BEND6: variants seen among roughly 807,000 people sequenced by gnomAD.
BEND6 encodes the protein BEN domain-containing protein 6.
Under a neutral mutation model 31.8 loss-of-function variants are expected in BEND6, and 24 were observed. The observed-to-expected ratio is 0.75, with a 90% CI of 0.55 to 1.06. The LOEUF is 1.06. BEND6 is among the 50% of genes least tolerant of loss of function. BEND6 has a pLI of 0.00. For synonymous variants in BEND6, 109 were observed against 114.6 expected, an observed-to-expected ratio of 0.95 and a Z score of 0.31; for missense variants, 294 against 327.4, an observed-to-expected ratio of 0.90 and a Z score of 0.79.
intron 3 of BEND6, among the ~76,000 whole-genome samples, chr6:57,000,259 T>C (rs1826879932): frequency 6.6e-6 from 1 of 152,208 alleles, no homozygotes; most frequent in Admixed American, 6.5e-5. Context: ...AATTCTGCCT[T>C]GGGATGCTGT....
intron 4 of BEND6, 127 bp from the exon 5 acceptor site, chr6:57,017,080 T>TATATATTAAAAG: frequency 3.2e-6 from 1 of 309,604 alleles, no homozygotes; most frequent in South Asian, 1.5e-4. Context: ...TATATTAAAA[T>TATATATTAAAAG]ATATATATAA....
intron 3 of BEND6, chr6:57,010,082 A>G (rs1436494977): frequency 6.6e-6 from 1 of 152,250 alleles, no homozygotes; most frequent in Admixed American, 6.5e-5. Context: ...ATCACAAAAA[A>G]GCTAACCAGG....
intron 6 of BEND6, among the ~76,000 whole-genome samples, chr6:57,021,920 T>A (rs535441648): frequency 6.6e-6 from 1 of 152,302 alleles, no homozygotes; most frequent in South Asian, 2.1e-4. Context: ...TATTTTTGAT[T>A]GTCAAAACTG....
intron 2 of BEND6, among the ~76,000 whole-genome samples, chr6:56,989,131 A>G (rs1026243048): frequency 5.3e-5 from 8 of 150,436 alleles, no homozygotes; most frequent in Non-Finnish European, 8.9e-5. Flanking sequence ...TAAATATATT[A>G]TATATTATGG....
At chr6:57,008,419 G>A (rs1388646006) in intron 3 of BEND6, 3 of 586,162 alleles carry the variant, frequency 5.1e-6, no homozygotes, top group Non-Finnish European at 9.1e-6. Context: ...CAATGTCAAG[G>A]CAGTGCTGTG....
chr6:57,006,035 A>AGTG (rs2127880385), intron 3 of BEND6, among the ~76,000 whole-genome samples: 1 of 152,344 alleles, frequency 6.6e-6, no homozygotes, highest in East Asian at 1.9e-4. Flanking sequence ...TCCTAAAAGC[A>AGTG]GTGTGGCGTA....
intron 3 of BEND6, among the ~76,000 whole-genome samples, chr6:56,999,932 C>T (rs1826864486): frequency 6.6e-6 from 1 of 150,466 alleles, no homozygotes; most frequent in African/African-American, 2.4e-5. Context: ...AAGCGAGCCC[C>T]TCTGCCTGGC....
chr6:56,969,885 C>G (rs1035119183), intron 1 of BEND6, among the ~76,000 whole-genome samples: 2 of 151,772 alleles, frequency 1.3e-5, no homozygotes, highest in Non-Finnish European at 2.9e-5. Flanking sequence ...GTCTTAATTC[C>G]GAGACACTGT....
At chr6:56,970,932 C>T (rs1825667880) in intron 1 of BEND6, among the ~76,000 whole-genome samples, 1 of 152,092 alleles carries the variant, frequency 6.6e-6, no homozygotes, top group South Asian at 2.1e-4. Context: ...TTTTTGTAAA[C>T]TAATTTGTTT....
rs529354772 is a variant in BEND6, at chr6:57,000,364, T to C, written c.298+7809T>C. Among the ~76,000 whole-genome samples, 27 of 152,240 alleles carry C rather than the reference T, an allele frequency of 1.8e-4. 1 individual carries two copies. The South Asian group carries it at 5.4e-3, about 31-fold the overall frequency. On this transcript the variant is annotated intron_variant, in intron 3 of 6. Coordinates refer to ENST00000370746, the MANE Select transcript of BEND6 (RefSeq NM_152731.3). ...GTTAAGGGTGGTGCAAGATGTGCTT[T>C]GTTAAACAGATGCTTGAAGGCAGCA...
At chr6:56,978,707 C>A (rs1339348175) in intron 1 of BEND6, among the ~76,000 whole-genome samples, 3 of 152,166 alleles carry the variant, frequency 2.0e-5, no homozygotes, top group African/African-American at 4.8e-5. Flanking sequence ...TACTACCCAA[C>A]ATTTTGATAG....
chr6:56,977,603 T>A (rs1008901771), intron 1 of BEND6, among the ~76,000 whole-genome samples: 3 of 152,230 alleles, frequency 2.0e-5, no homozygotes, highest in African/African-American at 7.2e-5. Context: ...CCATTATGTG[T>A]ATTTTTAAAA....
At chr6:56,977,506 C>T (rs946608198) in intron 1 of BEND6, among the ~76,000 whole-genome samples, 25 of 152,150 alleles carry the variant, frequency 1.6e-4, no homozygotes, top group African/African-American at 1.2e-4. Flanking sequence ...GACAAATTTA[C>T]GGGACTTATG....
chr6:56,999,554 C>T (rs901987425), intron 3 of BEND6, among the ~76,000 whole-genome samples: 1 of 152,214 alleles, frequency 6.6e-6, no homozygotes, highest in Non-Finnish European at 1.5e-5. Flanking sequence ...TTGGTGGCCA[C>T]CCACTGGATT....
intron 2 of BEND6, 86 bp downstream of exon 2, chr6:56,982,016 C>A: frequency 7.6e-7 from 1 of 1,321,710 alleles, no homozygotes; most frequent in Non-Finnish European, 1.0e-6. Flanking sequence ...TAGTGCTTCT[C>A]CCTCTTCTAT....
chr6:57,012,376 C>G (rs541782702), intron 3 of BEND6, among the ~76,000 whole-genome samples: 55 of 152,288 alleles, frequency 3.6e-4, no homozygotes, highest in Admixed American at 2.0e-3. Context: ...TTATCTACAG[C>G]TAAAGAAGTC....
At chr6:56,978,489 CCTT>C (rs142593096) in intron 1 of BEND6, among the ~76,000 whole-genome samples, 15 of 152,222 alleles carry the variant, frequency 9.9e-5, no homozygotes, top group African/African-American at 3.4e-4. Flanking sequence ...ATTTGACTAC[CCTT>C]CTTCTTCAAG....
intron 1 of BEND6, among the ~76,000 whole-genome samples, chr6:56,980,916 A>G (rs9475763): frequency 0.2 from 30,590 of 152,122 alleles, 3,285 homozygotes; most frequent in Middle Eastern, 0.22. Flanking sequence ...TTAACATGCT[A>G]CATCATTTGT....
intron 1 of BEND6, among the ~76,000 whole-genome samples, chr6:56,956,029 C>T (rs951162429): frequency 6.6e-6 from 1 of 152,342 alleles, no homozygotes; most frequent in Admixed American, 6.5e-5. Flanking sequence ...GGCCAGGAAG[C>T]GGCTGCTGCA....
Sources: gnomAD v4.1 joint callset for allele counts (sites outside exome capture counted in the v4.1 genomes callset) on GRCh38, gnomAD v4.1.1 for gene constraint, MANE v1.5 for transcripts, NCBI Gene and HGNC (gene_info 2026-07-23, HGNC 2026-07-21) for gene names.